The following ZBTB7C variants were observed in gnomAD, a reference collection of about 807,000 sequenced individuals.
The protein encoded by ZBTB7C is zinc finger and BTB domain containing 7C.
A neutral mutation model predicts 25.7 loss-of-function variants in ZBTB7C; 8 were observed. The observed-to-expected ratio is 0.31, with a 90% CI of 0.18 to 0.56. The LOEUF (loss-of-function observed/expected upper bound fraction) is 0.56, where lower values mean the gene tolerates loss of function less well. ZBTB7C is among the 20% of genes least tolerant of loss of function. The probability of loss-of-function intolerance (pLI) is 0.91; values close to 1 mark genes in which losing one functional copy is unlikely to be tolerated. For synonymous variants in ZBTB7C, 394 were observed against 369.0 expected, an observed-to-expected ratio of 1.07 and a Z score of -0.78; for missense variants, 824 against 855.2, an observed-to-expected ratio of 0.96 and a Z score of 0.46.
chr18:48,155,590 C>A (rs1257791322), intron 3 of ZBTB7C, among the ~76,000 whole-genome samples: 2 of 152,058 alleles, frequency 1.3e-5, no homozygotes, highest in Admixed American at 1.3e-4. Flanking sequence ...CCGCCTCAGC[C>A]TCCCAAAGTG....
intron 2 of ZBTB7C, among the ~76,000 whole-genome samples, chr18:48,217,377 T>C (rs2042849538): frequency 6.6e-6 from 1 of 152,100 alleles, no homozygotes; most frequent in South Asian, 2.1e-4. Context: ...ACCCTGTCAC[T>C]CCCAGGCTTA....
At chr18:48,101,592 C>G in intron 3 of ZBTB7C, among the ~76,000 whole-genome samples, 1 of 152,162 alleles carries the variant, frequency 6.6e-6, no homozygotes. Context: ...CTGTGCCAGG[C>G]ACTGTTCTAA....
intron 2 of ZBTB7C, among the ~76,000 whole-genome samples, chr18:48,334,791 C>T (rs1245350896): frequency 1.3e-5 from 2 of 152,198 alleles, no homozygotes; most frequent in Non-Finnish European, 2.9e-5. Flanking sequence ...TAGGAACAGG[C>T]CTTTGTTTCA....
chr18:48,103,090 TATA>T, intron 3 of ZBTB7C, among the ~76,000 whole-genome samples: 1 of 116,656 alleles, frequency 8.6e-6, no homozygotes, highest in East Asian at 2.6e-4. Flanking sequence ...ATATATATCT[TATA>T]TATATTATAT....
chr18:48,292,502 G>A (rs1018618483), intron 2 of ZBTB7C, among the ~76,000 whole-genome samples: 2 of 152,144 alleles, frequency 1.3e-5, no homozygotes, highest in South Asian at 2.1e-4. Flanking sequence ...CTCCTCCTGC[G>A]CCTGTCCCTG....
rs1182280495 is a variant in ZBTB7C, at chr18:48,240,168, A to G, written c.-78-54173T>C. Among the ~76,000 whole-genome samples the G allele has an allele frequency of 2.0e-5, 3 of 152,100 alleles. No individual in the cohort carries two copies. In the East Asian group the frequency reaches 5.8e-4, roughly 29 times the overall value. ...AATTAACCCAATCCAACAAAGAAAAAAAAATTTTAAATGAACAAAGCCTCC... is the reference window on the plus strand; with the variant it reads ...AATTAACCCAATCCAACAAAGAAAAGAAAATTTTAAATGAACAAAGCCTCC... On this transcript the variant is annotated intron_variant, in intron 2 of 4. Coordinates refer to ENST00000590800, the MANE Select transcript of ZBTB7C (RefSeq NM_001318841.2).
intron 4 of ZBTB7C, among the ~76,000 whole-genome samples, chr18:48,034,761 C>T (rs1184892574): frequency 6.6e-6 from 1 of 152,208 alleles, no homozygotes; most frequent in African/African-American, 2.4e-5. Context: ...TTCCATCTCT[C>T]TGCATCAGGG....
At chr18:48,136,953 T>G in intron 3 of ZBTB7C, 223 of 797,102 alleles carry the variant, frequency 2.8e-4, no homozygotes, top group South Asian at 3.4e-4. Context: ...GCCGCTGGGC[T>G]CCCCAGAGCC....
intron 3 of ZBTB7C, among the ~76,000 whole-genome samples, chr18:48,057,306 C>T (rs1242850514): frequency 1.3e-5 from 2 of 152,060 alleles, no homozygotes; most frequent in African/African-American, 4.8e-5. Context: ...ATCTCTGTGG[C>T]ATTGATTCTA....
intron 3 of ZBTB7C, among the ~76,000 whole-genome samples, chr18:48,151,644 G>A (rs1012721771): frequency 2.0e-5 from 3 of 152,188 alleles, no homozygotes; most frequent in African/African-American, 7.2e-5. Flanking sequence ...TCATGGGCCA[G>A]GGCGTTTTGC....
At chr18:48,363,654 T>C (rs2047160752) in intron 1 of ZBTB7C, among the ~76,000 whole-genome samples, 1 of 152,116 alleles carries the variant, frequency 6.6e-6, no homozygotes, top group African/African-American at 2.4e-5. Flanking sequence ...AAAGTTAAAA[T>C]GTGCAGGAAA....
intron 3 of ZBTB7C, among the ~76,000 whole-genome samples, chr18:48,111,201 G>A (rs1701870819): frequency 6.6e-6 from 1 of 152,126 alleles, no homozygotes; most frequent in African/African-American, 2.4e-5. Context: ...CCTTTCTCAT[G>A]CTCTCGTCCT....
At chr18:48,189,415 A>G (rs1424587087) in intron 2 of ZBTB7C, among the ~76,000 whole-genome samples, 1 of 151,982 alleles carries the variant, frequency 6.6e-6, no homozygotes, top group Non-Finnish European at 1.5e-5. Context: ...TGTTAGAAGT[A>G]AAAAAGAAAA....
intron 2 of ZBTB7C, among the ~76,000 whole-genome samples, chr18:48,266,266 G>A (rs1387983245): frequency 6.6e-6 from 1 of 152,190 alleles, no homozygotes; most frequent in African/African-American, 2.4e-5. Context: ...TCTTCCCACT[G>A]ACTCCACGGC....
At position 48,223,474 on chromosome 18, in the gene ZBTB7C, A is replaced by G. The variant is rs2043009997; in HGVS notation, c.-78-37479T>C. The stretch of plus-strand genomic sequence containing the variant: ...ATCTAATTAACTGGCCTTCACAGAA[A>G]GCAGGGTTGCAAAGGGGGAAGCTTA... On this transcript the variant is annotated intron_variant, in intron 2 of 4. Transcript: ENST00000590800. 2.0e-5 allele frequency among the ~76,000 whole-genome samples: 3 copies of G among 152,352 alleles called. No homozygotes were observed. In the South Asian group the frequency reaches 6.2e-4, roughly 32 times the overall value.
At chr18:48,217,693 C>T (rs561169731) in intron 2 of ZBTB7C, among the ~76,000 whole-genome samples, 7 of 150,200 alleles carry the variant, frequency 4.7e-5, no homozygotes, top group African/African-American at 1.5e-4. Context: ...CCATCCATCA[C>T]GGCACTAACC....
chr18:48,270,562 C>T (rs1376904843), intron 2 of ZBTB7C, among the ~76,000 whole-genome samples: 3 of 150,912 alleles, frequency 2.0e-5, no homozygotes, highest in African/African-American at 7.3e-5. Context: ...TGGTGGCACG[C>T]ACCTGTAATC....
chr18:48,076,525 T>A (rs2037770614), intron 3 of ZBTB7C, among the ~76,000 whole-genome samples: 1 of 152,158 alleles, frequency 6.6e-6, no homozygotes, highest in Non-Finnish European at 1.5e-5. Flanking sequence ...TTTTTAAATA[T>A]CCAGGACACT....
At chr18:48,045,304 C>G (rs144792901) in intron 3 of ZBTB7C, among the ~76,000 whole-genome samples, 3 of 152,220 alleles carry the variant, frequency 2.0e-5, no homozygotes, top group African/African-American at 7.2e-5. Flanking sequence ...CTCCCTTGCT[C>G]GCTCCCCAGA....
Sources: gnomAD v4.1 joint callset for allele counts (sites outside exome capture counted in the v4.1 genomes callset) on GRCh38, gnomAD v4.1.1 for gene constraint, MANE v1.5 for transcripts, NCBI Gene and HGNC (gene_info 2026-07-23, HGNC 2026-07-21) for gene names.